The following B3GLCT variants were observed in gnomAD, a reference collection of about 807,000 sequenced individuals.
The protein encoded by B3GLCT is beta 3-glucosyltransferase.
A neutral mutation model predicts 63.4 loss-of-function variants in B3GLCT; 65 were observed. The ratio of observed to expected loss-of-function variants is 1.03; its 90% confidence interval spans 0.84 to 1.26. The LOEUF (loss-of-function observed/expected upper bound fraction) is 1.26. Among genes scored for constraint, B3GLCT ranks in the 50% most tolerant of loss-of-function variants. The pLI is 0.00. For missense variants in B3GLCT, 577 were observed against 604.8 expected, an observed-to-expected ratio of 0.95 and a Z score of 0.48; for synonymous variants, 233 against 219.2, an observed-to-expected ratio of 1.06 and a Z score of -0.55.
In B3GLCT at chr13:31,274,575, A is replaced by G. The variant is rs1199800284; in HGVS notation, c.727A>G (p.Asn243Asp). Residue 243 changes from asparagine to aspartate, a missense_variant, in exon 9 of 15, where the codon AAT becomes GAT. Asn to Asp is a conservative substitution (Grantham distance 23). Transcript: ENST00000343307. ...GACCCCAGTGCCTGAGTTTTGTACC[A>G]ATGACGTGGACTTCTACTGTGCTAC... ...PLTPVPEFCT[N>D]DVDFYCATTF... The G allele has an allele frequency of 6.2e-6, 10 of 1,614,070 alleles. No homozygotes were observed. Among genetic ancestry groups the G allele is most frequent in the Non-Finnish European group, 7.6e-6 (9 of 1,180,044 alleles).
chr13:31,252,778 C>T (rs2137814960), intron 6 of B3GLCT, among the ~76,000 whole-genome samples: 1 of 152,250 alleles, frequency 6.6e-6, no homozygotes, highest in African/African-American at 2.4e-5. Context: ...CTTTAACACC[C>T]CACTGTCAGT....
chr13:31,324,761 C>T (rs1875523192), intron 14 of B3GLCT, among the ~76,000 whole-genome samples: 1 of 152,000 alleles, frequency 6.6e-6, no homozygotes, highest in Non-Finnish European at 1.5e-5. Flanking sequence ...TAGGGTCTTG[C>T]TCACTGCAAC....
At chr13:31,320,076 G>C (rs748035730) in intron 13 of B3GLCT, among the ~76,000 whole-genome samples, 2 of 152,086 alleles carry the variant, frequency 1.3e-5, no homozygotes, top group Non-Finnish European at 2.9e-5. Flanking sequence ...ACAGCCTCCT[G>C]TTCCCCCTAC....
chr13:31,246,929 C>CT (rs991731861), intron 4 of B3GLCT, 94 bp from the exon 5 acceptor site: 3 of 991,450 alleles, frequency 3.0e-6, no homozygotes, highest in Non-Finnish European at 1.5e-6. Flanking sequence ...TTCTTTTTTT[C>CT]TTTTTTCTTT....
chr13:31,304,132 G>C (rs1308050169), intron 12 of B3GLCT, among the ~76,000 whole-genome samples: 1 of 103,012 alleles, frequency 9.7e-6, no homozygotes, highest in Non-Finnish European at 1.9e-5. Context: ...AATGCTGAGA[G>C]ATTTTGTCGC....
In B3GLCT at chr13:31,246,596, G is replaced by C. The variant is rs1028908577; in HGVS notation, c.271-427G>C. Reference sequence around the variant, plus strand: ...ATTGTATCCTCTAGTTTAGCCAAAGGGTTTTCATTTTCACATGTTCCATAT... The same window carrying C: ...ATTGTATCCTCTAGTTTAGCCAAAGCGTTTTCATTTTCACATGTTCCATAT... On this transcript the variant is annotated intron_variant, in intron 4 of 14. Transcript: ENST00000343307. 5.9e-5 allele frequency among the ~76,000 whole-genome samples: 9 copies of C among 152,188 alleles called. 1 individual carries two copies. The highest frequency in any genetic ancestry group is 5.2e-4 in the Admixed American group (8 of 15,280).
intron 2 of B3GLCT, among the ~76,000 whole-genome samples, chr13:31,221,561 A>G (rs1252018335): frequency 6.6e-6 from 1 of 152,210 alleles, no homozygotes; most frequent in African/African-American, 2.4e-5. Context: ...GCATATAACT[A>G]TAGGTTCTCC....
intron 6 of B3GLCT, 37 bp downstream of exon 6, chr13:31,248,003 G>T (rs779472705): frequency 8.7e-7 from 1 of 1,150,646 alleles, no homozygotes; most frequent in Non-Finnish European, 1.3e-6. Context: ...TATTTTGGGG[G>T]ACAGTGTTTC....
In B3GLCT at chr13:31,247,945, C is replaced by T. The variant is rs759575352; in HGVS notation, c.438C>T (p.Leu146=). 4.7e-5 allele frequency: 75 copies of T among 1,599,288 alleles called. No homozygotes were observed. The highest frequency in any genetic ancestry group is 8.3e-5 in the Admixed American group (5 of 59,996). The change falls in exon 6 of 15, where the codon CTC becomes CTT. Residue 146 remains leucine, a synonymous_variant. Coordinates refer to ENST00000343307, the MANE Select transcript of B3GLCT (RefSeq NM_194318.4). ...RIQIPKLLET[L]RRYDPSKEWF... is the part of the protein sequence containing the mutation. ...AGATTCCAAAACTCTTGGAAACCCT[C>T]AGAAGATATGACCCCTCTAAGGTGA...
chr13:31,232,088 C>G (rs1275908109), intron 4 of B3GLCT, among the ~76,000 whole-genome samples: 1 of 152,204 alleles, frequency 6.6e-6, no homozygotes, highest in Admixed American at 6.5e-5. Context: ...TTACCTTGTG[C>G]CAAGACAGTT....
rs1471470782 is a variant in B3GLCT, at chr13:31,331,719, G to A, written c.*2051G>A. 1 of 152,178 alleles carries A rather than the reference G, an allele frequency of 6.6e-6. No individual in the cohort carries two copies. The highest frequency in any genetic ancestry group is 6.5e-5 in the Admixed American group (1 of 15,274). The allele number at this position is 152,178 out of a possible 1,614,324, so 9.4% of individuals were successfully genotyped here. ...ATAATGTTTATATAAAGTTTATAAA[G>A]CCATTGTGTTTTGTTATATAACAAA... is the stretch of plus-strand genomic sequence containing the variant. On this transcript the variant is annotated 3_prime_UTR_variant, in exon 15 of 15. Transcript: ENST00000343307.
At chr13:31,269,102 C>T in intron 7 of B3GLCT, 112 bp from the exon 8 acceptor site, 1 of 766,266 alleles carries the variant, frequency 1.3e-6, no homozygotes. Context: ...TTATTTTTAT[C>T]TTTAAATCTG....
chr13:31,248,758 T>G (rs1014473294), intron 6 of B3GLCT, among the ~76,000 whole-genome samples: 4 of 152,224 alleles, frequency 2.6e-5, no homozygotes, highest in African/African-American at 9.6e-5. Context: ...CAACTGGATT[T>G]TGTTTGCCTT....
intron 6 of B3GLCT, among the ~76,000 whole-genome samples, chr13:31,252,271 A>G (rs974360577): frequency 2.6e-5 from 4 of 152,176 alleles, no homozygotes; most frequent in Admixed American, 2.6e-4. Flanking sequence ...AACATACCAA[A>G]TTGTAAAGAC....
At chr13:31,276,976 C>T (rs1443328096) in intron 10 of B3GLCT, among the ~76,000 whole-genome samples, 1 of 151,956 alleles carries the variant, frequency 6.6e-6, no homozygotes, top group Non-Finnish European at 1.5e-5. Context: ...TGTATTGAAA[C>T]GTGAGTGGTC....
At chr13:31,205,214 A>C (rs1868883748) in intron 1 of B3GLCT, among the ~76,000 whole-genome samples, 1 of 148,590 alleles carries the variant, frequency 6.7e-6, no homozygotes, top group Non-Finnish European at 1.5e-5. Context: ...GGGTCATTAT[A>C]TTAGGTGGCA....
rs140743887 is a variant in B3GLCT, at chr13:31,208,473, C to T, written c.71-6578C>T. Among the ~76,000 whole-genome samples the T allele has an allele frequency of 1.2e-3, 187 of 152,232 alleles. 1 individual carries two copies. The highest frequency in any genetic ancestry group is 4.4e-3 in the African/African-American group (182 of 41,544). ...CGGCTCTCCTGCCTGTCTGCACTTG[C>T]GTATCCTCAGGACGCTGGGCACCAA... On this transcript the variant is annotated intron_variant, in intron 1 of 14. Coordinates refer to ENST00000343307, the MANE Select transcript of B3GLCT (RefSeq NM_194318.4).
At chr13:31,216,967 A>G (rs928588580) in intron 2 of B3GLCT, among the ~76,000 whole-genome samples, 1 of 152,240 alleles carries the variant, frequency 6.6e-6, no homozygotes, top group African/African-American at 2.4e-5. Context: ...GTATATACCC[A>G]GTAATGAAAT....
At chr13:31,323,931 G>A (rs759705746) in intron 14 of B3GLCT, 36 bp downstream of exon 14, 17 of 1,608,094 alleles carry the variant, frequency 1.1e-5, no homozygotes, top group Admixed American at 1.7e-5. Flanking sequence ...CTCATGGCAG[G>A]TGAGGGACAG....
Sources: allele counts gnomAD v4.1 joint callset (sites outside exome capture counted in the v4.1 genomes callset), GRCh38; gene constraint gnomAD v4.1.1; transcripts MANE v1.5; gene names NCBI Gene and HGNC (gene_info 2026-07-23, HGNC 2026-07-21).